The following CIAO2A variants were observed in gnomAD, a reference collection of about 807,000 sequenced individuals.
CIAO2A encodes cytosolic iron-sulfur assembly component 2A.
A neutral mutation model predicts 22.4 loss-of-function variants in CIAO2A; 17 were observed. The ratio of observed to expected loss-of-function variants is 0.76; its 90% confidence interval spans 0.52 to 1.14. CIAO2A has a LOEUF of 1.14. Ranked by LOEUF, CIAO2A falls within the 50% of genes most tolerant of loss-of-function variation. The pLI, the probability that CIAO2A is intolerant of heterozygous loss-of-function variation, is 0.00. For missense variants in CIAO2A, 192 were observed against 191.4 expected, an observed-to-expected ratio of 1.00 and a Z score of -0.02; for synonymous variants, 74 against 72.3, an observed-to-expected ratio of 1.02 and a Z score of -0.12.
chr15:64,072,931 T>A lies in CIAO2A; in HGVS notation c.483A>T (p.Ter161CysextTer1), dbSNP rs1414219175. The A allele has an allele frequency of 6.2e-7, 1 of 1,603,016 alleles. No individual in the cohort carries two copies. Among genetic ancestry groups the A allele is most frequent in the African/African-American group, 1.3e-5 (1 of 74,666 alleles). Reference sequence around the variant, plus strand: ...AGGCCAGTGGCTCTTAAAACAGCTATCAGTCAGGTTCAAGGACACACTGTT... The same window carrying A: ...AGGCCAGTGGCTCTTAAAACAGCTAACAGTCAGGTTCAAGGACACACTGTT... ...IVEQCVLEPD[*>C] The change falls in exon 5 of 5, where the codon TGA becomes TGT. Residue 161 changes from the stop codon to cysteine, a stop_lost. Coordinates refer to ENST00000300030, the MANE Select transcript of CIAO2A (RefSeq NM_032231.7).
chr15:64,087,122 C>G (rs1249552455), intron 2 of CIAO2A, among the ~76,000 whole-genome samples: 2 of 116,206 alleles, frequency 1.7e-5, no homozygotes, highest in Non-Finnish European at 3.4e-5. Flanking sequence ...ATAAGAGTCT[C>G]GCTCTGATGC....
intron 3 of CIAO2A, among the ~76,000 whole-genome samples, chr15:64,080,142 T>G (rs2080749100): frequency 6.6e-6 from 1 of 151,972 alleles, no homozygotes; most frequent in African/African-American, 2.4e-5. Context: ...ATCCCAGCAC[T>G]TTGGGAGGCC....
intron 4 of CIAO2A, chr15:64,073,960 G>A (rs1472783817): frequency 2.0e-5 from 3 of 152,292 alleles, no homozygotes; most frequent in East Asian, 1.9e-4. Flanking sequence ...TAAAACAGGA[G>A]ATGGAAAACG....
Position 64,093,669 on chromosome 15 carries a change from C to T in CIAO2A, c.100G>A (p.Glu34Lys). ...CCATAAACTTCTAGCGCTTTCTCTT[C>T]CATGATCCGGGGCTGCCGGGCAGCT... ...PGAARQPRIMEEKALEVYDLI... is the reference protein window; with the variant it reads ...PGAARQPRIMKEKALEVYDLI... Residue 34 changes from glutamate (E) to lysine (K), a missense_variant, in exon 1 of 5, where the codon GAA becomes AAA. Physicochemically the swap from Glu to Lys is moderately conservative, Grantham distance 56. Coordinates refer to ENST00000300030, the MANE Select transcript of CIAO2A (RefSeq NM_032231.7). 6.2e-7 allele frequency: 1 copy of T among 1,614,010 alleles called. No individual in the cohort carries two copies. Among genetic ancestry groups the T allele is most frequent in the Non-Finnish European group, 8.5e-7 (1 of 1,179,920 alleles).
intron 2 of CIAO2A, among the ~76,000 whole-genome samples, chr15:64,086,993 C>T (rs532206872): frequency 6.6e-6 from 1 of 151,446 alleles, no homozygotes; most frequent in South Asian, 2.1e-4. Context: ...CTCACTGCAA[C>T]CTCTGCCTCC....
chr15:64,091,355 T>C (rs2080838302), intron 1 of CIAO2A, among the ~76,000 whole-genome samples: 1 of 151,594 alleles, frequency 6.6e-6, no homozygotes, highest in South Asian at 2.1e-4. Context: ...TGTGGTGGCA[T>C]GTGCCTGTAA....
intron 1 of CIAO2A, among the ~76,000 whole-genome samples, chr15:64,090,617 C>G (rs2080833103): frequency 6.6e-6 from 1 of 152,186 alleles, no homozygotes; most frequent in Admixed American, 6.5e-5. Flanking sequence ...CAGAAAAATT[C>G]AGGCTCATGA....
intron 2 of CIAO2A, among the ~76,000 whole-genome samples, chr15:64,082,250 A>G (rs767761044): frequency 4.6e-4 from 70 of 152,058 alleles, no homozygotes; most frequent in Non-Finnish European, 9.0e-4. Flanking sequence ...TTTTTTTGAG[A>G]CAGAGTCTTG....
intron 3 of CIAO2A, among the ~76,000 whole-genome samples, chr15:64,080,434 G>A (rs1226904314): frequency 6.6e-6 from 1 of 151,852 alleles, no homozygotes; most frequent in Non-Finnish European, 1.5e-5. Flanking sequence ...TGTAATCCCA[G>A]CACTTTGAGA....
At chr15:64,091,269 G>A (rs1405071165) in intron 1 of CIAO2A, among the ~76,000 whole-genome samples, 1 of 151,972 alleles carries the variant, frequency 6.6e-6, no homozygotes, top group Non-Finnish European at 1.5e-5. Context: ...TCACCCACCT[G>A]AGTTCAGGAG....
At chr15:64,086,521 G>T (rs753503503) in intron 2 of CIAO2A, among the ~76,000 whole-genome samples, 11 of 152,014 alleles carry the variant, frequency 7.2e-5, no homozygotes, top group Non-Finnish European at 1.2e-4. Context: ...AACACCCACA[G>T]CAGTACTTTC....
At chr15:64,087,401 T>C (rs1365149310) in intron 2 of CIAO2A, among the ~76,000 whole-genome samples, 2 of 151,880 alleles carry the variant, frequency 1.3e-5, no homozygotes. Context: ...TAATTTTGTA[T>C]TTTTTTTAGT....
intron 3 of CIAO2A, among the ~76,000 whole-genome samples, chr15:64,077,463 T>A (rs1595952488): frequency 6.6e-6 from 1 of 152,218 alleles, no homozygotes; most frequent in East Asian, 1.9e-4. Flanking sequence ...AAAGGCAGCA[T>A]TTATGCAGCT....
intron 1 of CIAO2A, among the ~76,000 whole-genome samples, chr15:64,092,171 T>G (rs758674573): frequency 6.6e-6 from 1 of 152,174 alleles, no homozygotes; most frequent in Non-Finnish European, 1.5e-5. Flanking sequence ...TCATTTATAT[T>G]TAAAACCTTC....
At chr15:64,083,004 C>T (rs2080768395) in intron 2 of CIAO2A, among the ~76,000 whole-genome samples, 1 of 151,280 alleles carries the variant, frequency 6.6e-6, no homozygotes, top group Non-Finnish European at 1.5e-5. Context: ...GAGTTCAAGA[C>T]CAGCCTGGGC....
rs765276811 is a variant in CIAO2A, at chr15:64,072,952, C to T, written c.462G>A (p.Gln154=). Residue 154 remains glutamine, a synonymous_variant, in exon 5 of 5, where the codon CAG becomes CAA. Transcript: ENST00000300030. ...ENPNLREIVE[Q]CVLEPD ...GCTATCAGTCAGGTTCAAGGACACA[C>T]TGTTCCACAATTTCCCGTAAGTTGG... is the stretch of plus-strand genomic sequence containing the variant. 3.1e-6 allele frequency: 5 copies of T among 1,613,266 alleles called. No individual in the cohort carries two copies. In the African/African-American group the frequency reaches 4.0e-5, roughly 13 times the overall value.
At position 64,082,982 on chromosome 15, in the gene CIAO2A, GCTTGA is replaced by G. The variant is rs2080768199; in HGVS notation, c.290-1836_290-1832del. On this transcript the variant is annotated intron_variant, in intron 2 of 4. Coordinates refer to ENST00000300030, the MANE Select transcript of CIAO2A (RefSeq NM_032231.7). ...TTTGGGAAGCCAAGGCGGGAGGACT[GCTTGA>G]GCCCAGGAGTTCAAGACCAGCCTGG... is the stretch of plus-strand genomic sequence containing the variant. 2.6e-5 allele frequency among the ~76,000 whole-genome samples: 4 copies of G among 151,858 alleles called. No individual in the cohort carries two copies. In the South Asian group the frequency reaches 8.3e-4, roughly 32 times the overall value.
intron 1 of CIAO2A, among the ~76,000 whole-genome samples, chr15:64,092,193 G>A (rs1011554609): frequency 1.3e-5 from 2 of 151,432 alleles, no homozygotes; most frequent in Admixed American, 6.6e-5. Context: ...GTATCCAACT[G>A]CATCCCACTA....
chr15:64,082,077 T>C (rs1452561532), intron 2 of CIAO2A, among the ~76,000 whole-genome samples: 2 of 152,232 alleles, frequency 1.3e-5, no homozygotes, highest in Non-Finnish European at 1.5e-5. Flanking sequence ...AAGATATAAT[T>C]GTTAGACTAC....
Sources: allele counts gnomAD v4.1 joint callset (sites outside exome capture counted in the v4.1 genomes callset), GRCh38; gene constraint gnomAD v4.1.1; transcripts MANE v1.5; gene names NCBI Gene and HGNC (gene_info 2026-07-23, HGNC 2026-07-21).